The following IL33 variants were observed in gnomAD, a reference collection of about 807,000 sequenced individuals.
IL33 encodes the protein interleukin-33.
Under a neutral mutation model 27.3 loss-of-function variants are expected in IL33, and 37 were observed. That is an observed-to-expected ratio of 1.36 (90% CI 1.04 to 1.78). The LOEUF is 1.78. IL33 is among the 40% of genes most tolerant of loss of function. The pLI is 0.00. For missense variants in IL33, 406 were observed against 311.4 expected (o/e 1.30, Z -2.29); for synonymous variants, 132 against 102.9 (o/e 1.28, Z -1.71).
At chr9:6,242,518 C>G (rs1819588234) in intron 2 of IL33, 1 of 152,120 alleles carries the variant, frequency 6.6e-6, no homozygotes, top group Admixed American at 6.5e-5. Context: ...CTTCAGCAAG[C>G]AACTAACTGT....
intron 1 of IL33, among the ~76,000 whole-genome samples, chr9:6,234,369 C>T (rs528150084): frequency 6.6e-6 from 1 of 152,276 alleles, no homozygotes; most frequent in Admixed American, 6.5e-5. Context: ...CACTGAACTC[C>T]CCACCTGAGT....
rs181265206 is a variant in IL33 at position 6,221,116 on chromosome 9, A to G, written c.-12+5264A>G. ...AAACTTTTGAACAAGTTTCAGGCAC[A>G]GAAATAAGTACCAATATTCATTCTG... On this transcript the variant is annotated intron_variant, in intron 1 of 7. Transcript: ENST00000682010. Among the ~76,000 whole-genome samples, 14 of 152,330 alleles carry G rather than the reference A, an allele frequency of 9.2e-5. No homozygotes were observed. The East Asian group carries it at 2.7e-3, about 29-fold the overall frequency.
chr9:6,250,299 T>C (rs2130416173), intron 2 of IL33, among the ~76,000 whole-genome samples, 175 bp from the exon 3 acceptor site: 1 of 152,308 alleles, frequency 6.6e-6, no homozygotes, highest in East Asian at 1.9e-4. Context: ...CTATATGCTC[T>C]ATATTACAAT....
At chr9:6,234,729 C>T (rs951824478) in intron 1 of IL33, among the ~76,000 whole-genome samples, 4 of 147,634 alleles carry the variant, frequency 2.7e-5, no homozygotes, top group African/African-American at 1.0e-4. Context: ...TTTTAACTGG[C>T]CTCCTAACTA....
At chr9:6,245,412 C>G (rs1411629739) in intron 2 of IL33, among the ~76,000 whole-genome samples, 1 of 152,154 alleles carries the variant, frequency 6.6e-6, no homozygotes, top group Admixed American at 6.5e-5. Flanking sequence ...CATAGAAGAT[C>G]TGTTACAGTA....
intron 1 of IL33, among the ~76,000 whole-genome samples, chr9:6,238,741 A>G (rs1240038438): frequency 6.6e-6 from 1 of 152,190 alleles, no homozygotes; most frequent in African/African-American, 2.4e-5. Context: ...GGCCATACTT[A>G]AAAAGAAGAA....
intron 2 of IL33, among the ~76,000 whole-genome samples, chr9:6,244,397 G>T (rs1376777525): frequency 6.6e-6 from 1 of 152,012 alleles, no homozygotes; most frequent in African/African-American, 2.4e-5. Flanking sequence ...TTAAAACAAT[G>T]GATAGTAATG....
rs1416388419 is a variant in IL33 at position 6,256,148 on chromosome 9, T to C, written c.793T>C (p.Phe265Leu). The stretch of plus-strand genomic sequence containing the variant: ...GAATTTGTGTACTGAAAATATCTTG[T>C]TTAAGCTCTCTGAAACTTAGTTGAT... ...SENLCTENIL[F>L]KLSET Residue 265 changes from phenylalanine (F) to leucine (L), a missense_variant, in exon 8 of 8, where the codon TTT (phenylalanine) becomes CTT (leucine). Physicochemically the swap from Phe to Leu is conservative, Grantham distance 22. Coordinates refer to ENST00000682010, the MANE Select transcript of IL33 (RefSeq NM_033439.4). The C allele has an allele frequency of 1.2e-6, 2 of 1,613,186 alleles. No homozygotes were observed. The highest frequency in any genetic ancestry group is 1.7e-5 in the Admixed American group (1 of 59,936).
Position 6,256,084 on chromosome 9 carries a change from G to C in IL33, c.729G>C (p.Lys243Asn). ...KTDPGVFIGV[K>N]DNHLALIKVD... is the part of the protein sequence containing the mutation. ...ATCCTGGAGTGTTTATAGGTGTAAA[G>C]GATAATCATCTTGCTCTGATTAAAG... The change falls in exon 8 of 8, where the codon AAG becomes AAC. Residue 243 changes from lysine to asparagine, a missense_variant. Transcript: ENST00000682010. 6.2e-7 allele frequency: 1 copy of C among 1,612,920 alleles called. No individual in the cohort carries two copies. Among genetic ancestry groups the C allele is most frequent in the Non-Finnish European group, 8.5e-7 (1 of 1,179,044 alleles).
At chr9:6,229,837 T>G (rs891761422) in intron 1 of IL33, among the ~76,000 whole-genome samples, 1 of 152,074 alleles carries the variant, frequency 6.6e-6, no homozygotes, top group Non-Finnish European at 1.5e-5. Flanking sequence ...ATTATATATA[T>G]AATAGATAAG....
chr9:6,216,973 T>C (rs1818173819), intron 1 of IL33, among the ~76,000 whole-genome samples: 1 of 152,140 alleles, frequency 6.6e-6, no homozygotes, highest in Non-Finnish European at 1.5e-5. Flanking sequence ...CCACAGAGGA[T>C]TCAAAGTTAT....
At chr9:6,227,708 CT>C (rs751256543) in intron 1 of IL33, among the ~76,000 whole-genome samples, 9 of 152,188 alleles carry the variant, frequency 5.9e-5, no homozygotes, top group Non-Finnish European at 8.8e-5. Context: ...TTGACTACCA[CT>C]GATGGTATAT....
chr9:6,226,057 G>C (rs147946023), intron 1 of IL33, among the ~76,000 whole-genome samples: 2 of 152,232 alleles, frequency 1.3e-5, no homozygotes, highest in South Asian at 2.1e-4. Flanking sequence ...ACCCAGGCTA[G>C]AGTGCAGTGA....
intron 1 of IL33, among the ~76,000 whole-genome samples, chr9:6,235,743 C>T (rs1039033187): frequency 6.6e-6 from 1 of 152,066 alleles, no homozygotes; most frequent in African/African-American, 2.4e-5. Flanking sequence ...AAATTCAAAA[C>T]TATCAGATAG....
In IL33 at chr9:6,241,704, A is replaced by G. The variant is rs754773206; in HGVS notation, c.10A>G (p.Lys4Glu). The part of the protein sequence containing the change: MKP[K>E]MKYSTNKIST... ...AACAGAATACTGAAAAATGAAGCCT[A>G]AAATGAAGTATTCAACCAACAAAAT... Residue 4 changes from lysine to glutamate, a missense_variant, in exon 2 of 8, where the codon AAA becomes GAA. By Grantham distance (56) the Lys-to-Glu change is moderately conservative (BLOSUM62 1). Coordinates refer to ENST00000682010, the MANE Select transcript of IL33 (RefSeq NM_033439.4). 5.0e-5 allele frequency: 81 copies of G among 1,605,686 alleles called. 1 individual carries two copies. The highest frequency in any genetic ancestry group is 3.3e-4 in the Middle Eastern group (2 of 6,012).
At chr9:6,250,119 C>G (rs961016835) in intron 2 of IL33, among the ~76,000 whole-genome samples, 18 of 152,092 alleles carry the variant, frequency 1.2e-4, no homozygotes, top group African/African-American at 4.3e-4. Flanking sequence ...TATTTGACAG[C>G]AAAATATGAC....
In IL33 at chr9:6,255,842, T is replaced by C. The variant is rs1044864350; in HGVS notation, c.613-126T>C. 8 of 723,324 alleles carry C rather than the reference T, an allele frequency of 1.1e-5. No homozygotes were observed. The African/African-American group carries it at 1.4e-4, about 13-fold the overall frequency. The allele number at this position is 723,324 out of a possible 1,614,324, so 44.8% of individuals were successfully genotyped here. On this transcript the variant is annotated intron_variant, in intron 7 of 7. Coordinates refer to ENST00000682010, the MANE Select transcript of IL33 (RefSeq NM_033439.4). ...TCCCCCTCTTCCCTCCACAACTCAC[T>C]AAGCAAGCTTGCTAGAAATATCAAG... is the stretch of plus-strand genomic sequence containing the variant.
At chr9:6,252,483 A>G (rs1369613046) in intron 4 of IL33, among the ~76,000 whole-genome samples, 1 of 152,216 alleles carries the variant, frequency 6.6e-6, no homozygotes, top group Non-Finnish European at 1.5e-5. Flanking sequence ...TCCATACTTT[A>G]TAGATGAACA....
intron 1 of IL33, among the ~76,000 whole-genome samples, chr9:6,226,658 T>C (rs1254413015): frequency 6.6e-6 from 1 of 152,260 alleles, no homozygotes; most frequent in Non-Finnish European, 1.5e-5. Flanking sequence ...CTTTTATGTC[T>C]AGATATTCTA....
Sources: gnomAD v4.1 joint callset for allele counts (sites outside exome capture counted in the v4.1 genomes callset) on GRCh38, gnomAD v4.1.1 for gene constraint, MANE v1.5 for transcripts, NCBI Gene and HGNC (gene_info 2026-07-23, HGNC 2026-07-21) for gene names.